Variants in TMEM132B observed in about 807,000 individuals in gnomAD.
TMEM132B encodes transmembrane protein 132B.
A neutral mutation model predicts 90.8 loss-of-function variants in TMEM132B; 18 were observed. The ratio of observed to expected loss-of-function variants is 0.20; its 90% CI spans 0.14 to 0.29. The LOEUF (loss-of-function observed/expected upper bound fraction) is 0.29, where lower values mean the gene tolerates loss of function less well. Ranked by LOEUF, TMEM132B falls within the 10% of genes least tolerant of loss-of-function variation. The pLI is 1.00. For missense variants in TMEM132B, 1,096 were observed against 1,326.8 expected (o/e 0.83, Z 2.70); for synonymous variants, 504 against 523.3 (o/e 0.96, Z 0.50).
chr12:125,528,268 C>T, intron 4 of TMEM132B, among the ~76,000 whole-genome samples: 1 of 152,094 alleles, frequency 6.6e-6, no homozygotes, highest in Admixed American at 6.5e-5. Flanking sequence ...GTGTTGAGGG[C>T]TGCAGTCCAC....
Position 125,350,356 on chromosome 12 carries a change from G to T in TMEM132B, c.959+13G>T. The T allele has an allele frequency of 1.2e-6, 2 of 1,600,242 alleles. No homozygotes were observed. The highest frequency in any genetic ancestry group is 1.3e-5 in the African/African-American group (1 of 74,768). Reference sequence around the variant, plus strand: ...AGTTCACTCTTAGGTAAGAGGCTTTGCCAGGTGGGATGGAACAGAAGCCAA... The same window carrying T: ...AGTTCACTCTTAGGTAAGAGGCTTTTCCAGGTGGGATGGAACAGAAGCCAA... On this transcript the variant is annotated intron_variant, in intron 2 of 8. Coordinates refer to ENST00000682704, the MANE Select transcript of TMEM132B (RefSeq NM_001366854.1).
At chr12:125,419,655 G>A (rs1880117738) in intron 3 of TMEM132B, among the ~76,000 whole-genome samples, 1 of 152,064 alleles carries the variant, frequency 6.6e-6, no homozygotes, top group African/African-American at 2.4e-5. Context: ...CAAATCTCGT[G>A]TCCTCACATT....
At chr12:125,275,027 A>G (rs1353635010) in intron 1 of TMEM132B, among the ~76,000 whole-genome samples, 1 of 152,212 alleles carries the variant, frequency 6.6e-6, no homozygotes, top group Non-Finnish European at 1.5e-5. Flanking sequence ...TTAACTTACC[A>G]TCTGTTCGAC....
intron 1 of TMEM132B, among the ~76,000 whole-genome samples, chr12:125,345,233 C>T (rs561162421): frequency 6.6e-6 from 1 of 152,298 alleles, no homozygotes; most frequent in South Asian, 2.1e-4. Context: ...AGAGGAGACT[C>T]AGCCTCAGAA....
At chr12:125,551,524 A>T (rs1024129707) in intron 4 of TMEM132B, among the ~76,000 whole-genome samples, 2 of 152,176 alleles carry the variant, frequency 1.3e-5, no homozygotes, top group Admixed American at 1.3e-4. Flanking sequence ...ATGAAATAAA[A>T]ATAATCTATT....
intron 5 of TMEM132B, among the ~76,000 whole-genome samples, chr12:125,613,218 C>CTATATTATATATATATATTATA (rs1183673622): frequency 1.7e-5 from 2 of 115,036 alleles, no homozygotes; most frequent in South Asian, 5.3e-4. Flanking sequence ...TATACACCCA[C>CTATATTATATATATATATTATA]TATATTATAT....
intron 7 of TMEM132B, among the ~76,000 whole-genome samples, chr12:125,651,999 T>C (rs184154350): frequency 7.5e-4 from 113 of 151,064 alleles, no homozygotes; most frequent in African/African-American, 2.6e-3. Flanking sequence ...CTTCTGCCCC[T>C]AGCCAGGAAA....
At chr12:125,382,690 T>C (rs1878720751) in intron 2 of TMEM132B, among the ~76,000 whole-genome samples, 1 of 152,222 alleles carries the variant, frequency 6.6e-6, no homozygotes, top group South Asian at 2.1e-4. Context: ...TTGATTGCTG[T>C]AATAATTTGA....
rs756524348 is a variant in TMEM132B, at chr12:125,490,688, G to A, written c.1107-28751G>A. Among the ~76,000 whole-genome samples the A allele has an allele frequency of 1.3e-4, 20 of 152,012 alleles. No homozygotes were observed. Among genetic ancestry groups the A allele is most frequent in the African/African-American group, 4.8e-4 (20 of 41,378 alleles). On this transcript the variant is annotated intron_variant, in intron 3 of 8. Coordinates refer to ENST00000682704, the MANE Select transcript of TMEM132B (RefSeq NM_001366854.1). The surrounding 1 kb of genome is among the most constrained non-coding windows in gnomAD (Gnocchi z 4.2). ...TCACTGTGTTAGCTAGGATGGTCTC[G>A]ATCTCCTGACCTCGTGATCCGCCCG...
chr12:125,504,893 G>A (rs1390758764), intron 3 of TMEM132B, among the ~76,000 whole-genome samples: 1 of 149,712 alleles, frequency 6.7e-6, no homozygotes, highest in African/African-American at 2.5e-5. Flanking sequence ...GAGAATGCTG[G>A]AAAAAAAAAG....
chr12:125,613,137 A>G lies in TMEM132B; in HGVS notation c.1437+29143A>G, dbSNP rs185111678. On this transcript the variant is annotated intron_variant, in intron 5 of 8. Transcript: ENST00000682704. ...TATATATCATATATATTTATATATT[A>G]TATATAAATATATATCATATATATT... 1.9e-4 allele frequency among the ~76,000 whole-genome samples: 22 copies of G among 113,424 alleles called. 1 individual carries two copies. The highest frequency in any genetic ancestry group is 3.5e-4 in the Non-Finnish European group (21 of 60,030). 74.4% of individuals were successfully genotyped at this position (113,424 alleles called of 152,430 possible).
rs185753437 is a variant in TMEM132B at position 125,608,510 on chromosome 12, C to T, written c.1437+24516C>T. ...ATGATTAGCAAATATTTTCTCCCAT[C>T]CCGTGGGTTGTCCTTTCATTTTTCT... On this transcript the variant is annotated intron_variant, in intron 5 of 8. Transcript: ENST00000682704. Among the ~76,000 whole-genome samples, 405 of 152,230 alleles carry T rather than the reference C, an allele frequency of 2.7e-3. 4 individuals are homozygous for T. The highest frequency in any genetic ancestry group is 9.0e-3 in the African/African-American group (376 of 41,548).
chr12:125,635,344 A>G (rs375364223), intron 5 of TMEM132B, among the ~76,000 whole-genome samples: 1 of 149,632 alleles, frequency 6.7e-6, no homozygotes, highest in Admixed American at 6.7e-5. Flanking sequence ...CCCTGTGTCC[A>G]TGTATGCTCA....
chr12:125,634,095 T>A (rs1886427074), intron 5 of TMEM132B, among the ~76,000 whole-genome samples: 1 of 152,218 alleles, frequency 6.6e-6, no homozygotes, highest in African/African-American at 2.4e-5. Flanking sequence ...CTTGGAAGTC[T>A]ACCTGGTGTT....
At chr12:125,348,923 A>C (rs76799787) in intron 1 of TMEM132B, among the ~76,000 whole-genome samples, 2,857 of 152,318 alleles carry the variant, frequency 0.019, 94 homozygotes, top group African/African-American at 0.065. Context: ...AGAGAGTTCT[A>C]GAAGTAGGAA....
chr12:125,389,912 A>G (rs774464123), intron 2 of TMEM132B, among the ~76,000 whole-genome samples: 8 of 152,346 alleles, frequency 5.3e-5, no homozygotes, highest in Non-Finnish European at 1.2e-4. Context: ...ATACCCACAG[A>G]CAGTAAATGC....
intron 3 of TMEM132B, among the ~76,000 whole-genome samples, chr12:125,436,599 C>G (rs149555502): frequency 2.6e-5 from 4 of 152,266 alleles, no homozygotes; most frequent in African/African-American, 9.6e-5. Context: ...CCAGCAACCA[C>G]CAGAAGCAAA....
At chr12:125,243,309 A>AT (rs767896932) in intron 1 of TMEM132B, among the ~76,000 whole-genome samples, 111 of 135,524 alleles carry the variant, frequency 8.2e-4, no homozygotes, top group East Asian at 1.3e-3. Context: ...TGGCTGGCTA[A>AT]TTTTTTTTTT....
chr12:125,396,447 C>T (rs1879171987), intron 2 of TMEM132B, among the ~76,000 whole-genome samples: 2 of 152,294 alleles, frequency 1.3e-5, no homozygotes, highest in African/African-American at 4.8e-5. Flanking sequence ...GTTCTAAGCA[C>T]TTTGTATATA....
Sources: allele counts gnomAD v4.1 joint callset (sites outside exome capture counted in the v4.1 genomes callset), GRCh38; gene constraint gnomAD v4.1.1; non-coding constraint Gnocchi (gnomAD v3.1); transcripts MANE v1.5; gene names NCBI Gene and HGNC (gene_info 2026-07-23, HGNC 2026-07-21).